Variants in PEMT observed in about 807,000 individuals in gnomAD.
PEMT encodes the protein phospholipid methyltransferase.
Under a neutral mutation model 27.4 loss-of-function variants are expected in PEMT, and 23 were observed. The ratio of observed to expected loss-of-function variants is 0.84; its 90% CI spans 0.60 to 1.19. The LOEUF (loss-of-function observed/expected upper bound fraction) is 1.19, where lower values mean the gene tolerates loss of function less well. PEMT is among the 50% of genes most tolerant of loss of function. PEMT has a pLI of 0.00. For synonymous variants in PEMT, 137 were observed against 139.1 expected, an observed-to-expected ratio of 0.98 and a Z score of 0.11; for missense variants, 307 against 310.1, an observed-to-expected ratio of 0.99 and a Z score of 0.07.
intron 2 of PEMT, among the ~76,000 whole-genome samples, chr17:17,546,642 A>G (rs2142625472): frequency 6.6e-6 from 1 of 152,326 alleles, no homozygotes; most frequent in East Asian, 1.9e-4. Flanking sequence ...CTCTGCTCAC[A>G]GGCGCCTGCC....
intron 1 of PEMT, among the ~76,000 whole-genome samples, chr17:17,577,249 G>C (rs1160764146): frequency 6.6e-6 from 1 of 152,194 alleles, no homozygotes; most frequent in Non-Finnish European, 1.5e-5. Context: ...AAATGTGCCT[G>C]GATGCCAGAT....
At chr17:17,560,097 C>T (rs999964018) in intron 2 of PEMT, among the ~76,000 whole-genome samples, 1 of 152,230 alleles carries the variant, frequency 6.6e-6, no homozygotes, top group Non-Finnish European at 1.5e-5. Flanking sequence ...TGGGGCATGT[C>T]CTTTGCACAG....
intron 2 of PEMT, among the ~76,000 whole-genome samples, chr17:17,525,267 C>T (rs1907585799): frequency 6.6e-6 from 1 of 152,164 alleles, no homozygotes; most frequent in African/African-American, 2.4e-5. Flanking sequence ...AATCTAACGA[C>T]AACAGAAAAG....
chr17:17,570,862 C>A, intron 2 of PEMT: 1 of 985,278 alleles, frequency 1.0e-6, no homozygotes, highest in South Asian at 4.7e-5. Context: ...GGTACAGATC[C>A]GGGGGCAGGT....
intron 2 of PEMT, among the ~76,000 whole-genome samples, chr17:17,546,479 T>G (rs1281369988): frequency 1.3e-5 from 2 of 152,208 alleles, no homozygotes; most frequent in East Asian, 3.8e-4. Context: ...GGGGGTGCAG[T>G]GGGCATGATC....
intron 3 of PEMT, among the ~76,000 whole-genome samples, chr17:17,517,770 C>T (rs1906950182): frequency 6.6e-6 from 1 of 152,236 alleles, no homozygotes; most frequent in Non-Finnish European, 1.5e-5. Flanking sequence ...CCTGCCCTGC[C>T]CCTGCTGCCC....
chr17:17,536,554 A>G (rs1908487807), intron 2 of PEMT, among the ~76,000 whole-genome samples: 1 of 152,176 alleles, frequency 6.6e-6, no homozygotes. Context: ...TGTTACCTCT[A>G]TCAAGAACTC....
At chr17:17,537,837 C>A (rs1415648042) in intron 2 of PEMT, among the ~76,000 whole-genome samples, 4 of 152,168 alleles carry the variant, frequency 2.6e-5, no homozygotes, top group Non-Finnish European at 4.4e-5. Context: ...GCGTAGAAGG[C>A]AGGTGTCTTT....
At chr17:17,521,427 C>A (rs142408040) in intron 3 of PEMT, among the ~76,000 whole-genome samples, 388 of 152,292 alleles carry the variant, frequency 2.5e-3, no homozygotes, top group African/African-American at 8.9e-3. Flanking sequence ...AGCCTGGTGT[C>A]TGGGCAGAGA....
chr17:17,507,496 C>T, intron 5 of PEMT: 1 of 453,470 alleles, frequency 2.2e-6, no homozygotes, highest in Non-Finnish European at 4.0e-6. Flanking sequence ...CTGCAGGAGG[C>T]AGGGCAGACG....
intron 2 of PEMT, chr17:17,571,018 G>C (rs1264185315): frequency 3.7e-6 from 2 of 540,752 alleles, no homozygotes; most frequent in Non-Finnish European, 4.7e-6. Flanking sequence ...CTGGACCCAA[G>C]GTCCTGAAGC....
intron 2 of PEMT, among the ~76,000 whole-genome samples, chr17:17,575,088 G>C (rs1013268515): frequency 4.6e-5 from 7 of 152,194 alleles, no homozygotes; most frequent in African/African-American, 1.7e-4. Flanking sequence ...GTTACCACTG[G>C]GCCAAAATCA....
At chr17:17,591,359 ACAC>A in intron 1 of PEMT, 169 bp downstream of exon 1, 1 of 610,346 alleles carries the variant, frequency 1.6e-6, no homozygotes, top group Non-Finnish European at 2.9e-6. Flanking sequence ...ACACACACAG[ACAC>A]CAGCCGGCGC....
chr17:17,539,331 C>T (rs1377672729), intron 2 of PEMT, among the ~76,000 whole-genome samples: 1 of 152,138 alleles, frequency 6.6e-6, no homozygotes, highest in Non-Finnish European at 1.5e-5. Context: ...CAGGACACAG[C>T]ACTTCCAGCC....
chr17:17,579,449 G>A (rs1244737036), intron 1 of PEMT, among the ~76,000 whole-genome samples: 1 of 152,100 alleles, frequency 6.6e-6, no homozygotes, highest in African/African-American at 2.4e-5. Context: ...AGGCCGAGGT[G>A]GGCGGATCAC....
intron 3 of PEMT, among the ~76,000 whole-genome samples, chr17:17,521,839 T>C (rs1194475297): frequency 6.6e-6 from 1 of 152,066 alleles, no homozygotes; most frequent in Non-Finnish European, 1.5e-5. Flanking sequence ...AGTGCTAGGA[T>C]TACAGGTGTG....
intron 2 of PEMT, among the ~76,000 whole-genome samples, chr17:17,534,895 CTATTTTATTT>C (rs71860290): frequency 0.083 from 12,346 of 148,604 alleles, 580 homozygotes; most frequent in East Asian, 0.15. Context: ...CTCTATAAGG[CTATTTTATTT>C]TATTTTATTT....
intron 3 of PEMT, among the ~76,000 whole-genome samples, chr17:17,517,188 G>A (rs1321532268): frequency 2.6e-5 from 4 of 152,080 alleles, no homozygotes; most frequent in Non-Finnish European, 2.9e-5. Context: ...AGCCTGGGGA[G>A]TCCCTAAGCA....
At chr17:17,521,722 A>G (rs1445119013) in intron 3 of PEMT, among the ~76,000 whole-genome samples, 1 of 152,090 alleles carries the variant, frequency 6.6e-6, no homozygotes, top group Admixed American at 6.5e-5. Context: ...ATGCACCACC[A>G]TGCCCGGCTA....
Sources: allele counts gnomAD v4.1 joint callset (sites outside exome capture counted in the v4.1 genomes callset), GRCh38; gene constraint gnomAD v4.1.1; transcripts MANE v1.5; gene names NCBI Gene and HGNC (gene_info 2026-07-23, HGNC 2026-07-21).